EFCAB13: variants seen among roughly 807,000 people sequenced by gnomAD.
The protein encoded by EFCAB13 is EF-hand calcium binding domain 13, also known as EF-hand calcium-binding domain-containing protein 13.
A neutral mutation model predicts 110.2 loss-of-function variants in EFCAB13; 91 were observed. That is an observed-to-expected ratio of 0.83 (90% CI 0.70 to 0.98). EFCAB13 has a LOEUF of 0.98. EFCAB13 is among the 50% of genes least tolerant of loss of function. The pLI is 0.00. For missense variants in EFCAB13, 968 were observed against 1,119.4 expected (o/e 0.86, Z 1.93); for synonymous variants, 323 against 369.9 (o/e 0.87, Z 1.45).
At chr17:47,352,532 C>T (rs2065459238) in intron 9 of EFCAB13, among the ~76,000 whole-genome samples, 1 of 152,060 alleles carries the variant, frequency 6.6e-6, no homozygotes. Context: ...ATGTCTCCAG[C>T]TTTGTTCTTT....
chr17:47,383,167 TTTCTC>T (rs984412980), intron 14 of EFCAB13, among the ~76,000 whole-genome samples: 4 of 152,182 alleles, frequency 2.6e-5, no homozygotes, highest in South Asian at 4.1e-4. Context: ...ATTTGATTCT[TTTCTC>T]TTTTCTTCTT....
In EFCAB13 at chr17:47,384,662, A is replaced by G. The variant is rs538333759; in HGVS notation, c.1582+5409A>G. Among the ~76,000 whole-genome samples the G allele has an allele frequency of 2.7e-4, 41 of 152,108 alleles. No homozygotes were observed. The South Asian group carries it at 8.1e-3, about 30-fold the overall frequency. On this transcript the variant is annotated intron_variant, in intron 14 of 24. Coordinates refer to ENST00000331493, the MANE Select transcript of EFCAB13 (RefSeq NM_152347.5). ...ATTCTTTTCTTTAAGAATGTTGAAT[A>G]TTGGCCCCCACTCTCTTTTGGCTTG...
intron 17 of EFCAB13, among the ~76,000 whole-genome samples, chr17:47,399,483 G>A (rs1292960895): frequency 6.6e-6 from 1 of 151,938 alleles, no homozygotes; most frequent in Non-Finnish European, 1.5e-5. Context: ...ATCTTATACA[G>A]TATCCTAATA....
In EFCAB13 at chr17:47,335,235, T is replaced by G. The variant is rs373856764; in HGVS notation, c.70T>G (p.Ser24Ala). 1.9e-6 allele frequency: 3 copies of G among 1,610,484 alleles called. No homozygotes were observed. The African/African-American group carries it at 4.0e-5, about 22-fold the overall frequency. Reference sequence around the variant, plus strand: ...TGACTTATTAGATGATGGCTCTAATTCTTTTGCAACTGACTTGTCATCAGG... The same window carrying G: ...TGACTTATTAGATGATGGCTCTAATGCTTTTGCAACTGACTTGTCATCAGG... ...NIDLLDDGSN[S>A]FATDLSSGTI... Residue 24 changes from serine (S) to alanine (A), a missense_variant, in exon 5 of 25, where the codon TCT becomes GCT. Coordinates refer to ENST00000331493, the MANE Select transcript of EFCAB13 (RefSeq NM_152347.5).
chr17:47,397,696 C>A (rs1410028536), intron 17 of EFCAB13, among the ~76,000 whole-genome samples: 1 of 151,476 alleles, frequency 6.6e-6, no homozygotes, highest in Non-Finnish European at 1.5e-5. Flanking sequence ...CGCCTCTACC[C>A]GGCCGCGACC....
intron 24 of EFCAB13, among the ~76,000 whole-genome samples, chr17:47,433,721 T>C (rs981158299): frequency 2.6e-5 from 4 of 152,132 alleles, no homozygotes; most frequent in African/African-American, 9.7e-5. Context: ...ATTCCTTCAC[T>C]CCCATTAATT....
At chr17:47,351,492 A>T (rs1057434264) in intron 9 of EFCAB13, among the ~76,000 whole-genome samples, 3 of 152,178 alleles carry the variant, frequency 2.0e-5, no homozygotes, top group Non-Finnish European at 4.4e-5. Context: ...TTGTTGGATC[A>T]TACAGTAGTT....
At position 47,395,861 on chromosome 17, in the gene EFCAB13, A is replaced by G; in HGVS notation, c.1829A>G (p.Asp610Gly). 1 of 1,609,030 alleles carries G rather than the reference A, an allele frequency of 6.2e-7. No individual in the cohort carries two copies. Among genetic ancestry groups the G allele is most frequent in the Middle Eastern group, 1.7e-4 (1 of 6,040 alleles). ...LVLPDAIETLDDLRKETMSVS... is the reference protein window; with the variant it reads ...LVLPDAIETLGDLRKETMSVS... The stretch of plus-strand genomic sequence containing the variant: ...TTGCCTGATGCTATTGAAACCCTCG[A>G]CGATCTCAGAAAGGAGACGATGAGT... Residue 610 changes from aspartate (D) to glycine (G), a missense_variant, in exon 17 of 25, where the codon GAC becomes GGC. Physicochemically the swap from Asp to Gly is moderately conservative, Grantham distance 94. Transcript: ENST00000331493.
At chr17:47,325,578 G>A (rs1567776562) in intron 2 of EFCAB13, among the ~76,000 whole-genome samples, 1 of 151,896 alleles carries the variant, frequency 6.6e-6, no homozygotes, top group Non-Finnish European at 1.5e-5. Context: ...AGCCTCCTGG[G>A]GCCTTCCCAC....
intron 24 of EFCAB13, among the ~76,000 whole-genome samples, chr17:47,439,364 A>G (rs960785606): frequency 6.0e-5 from 9 of 151,110 alleles, no homozygotes; most frequent in African/African-American, 2.2e-4. Flanking sequence ...TTCAGTAGAG[A>G]CGGGGTTTCA....
chr17:47,385,123 G>C (rs542641704), intron 14 of EFCAB13, among the ~76,000 whole-genome samples: 4 of 152,090 alleles, frequency 2.6e-5, no homozygotes, highest in Non-Finnish European at 5.9e-5. Context: ...TTGTGCCTTA[G>C]GGTTGCTCTT....
chr17:47,364,912 C>T (rs913964820), intron 10 of EFCAB13, among the ~76,000 whole-genome samples: 1 of 152,172 alleles, frequency 6.6e-6, no homozygotes. Flanking sequence ...CAACTATATA[C>T]CATGCCCCTT....
intron 20 of EFCAB13, among the ~76,000 whole-genome samples, chr17:47,406,979 T>G (rs1442426319): frequency 1.3e-5 from 2 of 152,208 alleles, no homozygotes; most frequent in Non-Finnish European, 2.9e-5. Context: ...TTTTAACATT[T>G]TTTTAAATCA....
intron 5 of EFCAB13, chr17:47,341,303 G>A (rs1367254127): frequency 6.6e-6 from 1 of 152,164 alleles, no homozygotes; most frequent in African/African-American, 2.4e-5. Context: ...AACTGGAAAT[G>A]TGAATGGTGC....
intron 5 of EFCAB13, among the ~76,000 whole-genome samples, chr17:47,337,256 C>T: frequency 6.6e-6 from 1 of 152,302 alleles, no homozygotes; most frequent in South Asian, 2.1e-4. Flanking sequence ...CTGTGGGAAG[C>T]ACATGCCTCA....
Position 47,429,835 on chromosome 17 carries a change from G to A in EFCAB13, c.2512G>A (p.Ala838Thr). 6.2e-7 allele frequency: 1 copy of A among 1,606,444 alleles called. No individual in the cohort carries two copies. The highest frequency in any genetic ancestry group is 8.5e-7 in the Non-Finnish European group (1 of 1,175,358). ...QKSKATQILL[A>T]TTQILQNDLV... The stretch of plus-strand genomic sequence containing the variant: ...TTTTGCAGCTACACAGATACTCTTA[G>A]CTACTACCCAAATTCTCCAGAATGA... Residue 838 changes from alanine (A) to threonine (T), a missense_variant, in exon 24 of 25, where the codon GCT becomes ACT. Physicochemically the swap from Ala to Thr is moderately conservative, Grantham distance 58. Transcript: ENST00000331493.
intron 9 of EFCAB13, among the ~76,000 whole-genome samples, chr17:47,360,122 G>A (rs375627526): frequency 5.1e-4 from 78 of 152,170 alleles, no homozygotes; most frequent in Non-Finnish European, 8.7e-4. Flanking sequence ...ATGATTTATA[G>A]TCCTTTGGGT....
At chr17:47,325,396 A>C (rs551732513) in intron 2 of EFCAB13, among the ~76,000 whole-genome samples, 4 of 152,164 alleles carry the variant, frequency 2.6e-5, no homozygotes, top group Non-Finnish European at 5.9e-5. Context: ...TTCCCTCCTC[A>C]CAGTAACCAG....
intron 15 of EFCAB13, among the ~76,000 whole-genome samples, chr17:47,393,587 G>A (rs975478051): frequency 3.3e-5 from 5 of 151,980 alleles, no homozygotes; most frequent in African/African-American, 9.7e-5. Context: ...GCATGGTGAC[G>A]TGCCTGTAAT....
Sources: allele counts gnomAD v4.1 joint callset (sites outside exome capture counted in the v4.1 genomes callset), GRCh38; gene constraint gnomAD v4.1.1; transcripts MANE v1.5; gene names NCBI Gene and HGNC (gene_info 2026-07-23, HGNC 2026-07-21).